ARHGAP24: variants seen among roughly 807,000 people sequenced by gnomAD.
The protein encoded by ARHGAP24 is Rho GTPase activating protein 24, also known as rho GTPase-activating protein 24.
Under a neutral mutation model 76.4 loss-of-function variants are expected in ARHGAP24, and 50 were observed. The ratio of observed to expected loss-of-function variants is 0.65; its 90% CI spans 0.52 to 0.83. The LOEUF (loss-of-function observed/expected upper bound fraction) is 0.83, where lower values mean the gene tolerates loss of function less well. Among genes scored for constraint, ARHGAP24 ranks in the 40% least tolerant of loss-of-function variants. The pLI is 0.00. For missense variants in ARHGAP24, 930 were observed against 914.2 expected (o/e 1.02, Z -0.22); for synonymous variants, 345 against 323.3 (o/e 1.07, Z -0.72).
At chr4:85,561,016 G>A (rs1207338979) in intron 1 of ARHGAP24, among the ~76,000 whole-genome samples, 1 of 152,194 alleles carries the variant, frequency 6.6e-6, no homozygotes, top group Non-Finnish European at 1.5e-5. Context: ...TTATTCATCA[G>A]TTTGCCATTT....
chr4:85,698,063 G>A (rs981748550), intron 2 of ARHGAP24, among the ~76,000 whole-genome samples: 1 of 152,200 alleles, frequency 6.6e-6, no homozygotes, highest in African/African-American at 2.4e-5. Flanking sequence ...GAGGAAGGGA[G>A]AAGTGGGAAG....
chr4:85,832,572 G>T (rs767476753), intron 3 of ARHGAP24, among the ~76,000 whole-genome samples: 1 of 152,130 alleles, frequency 6.6e-6, no homozygotes, highest in Non-Finnish European at 1.5e-5. Flanking sequence ...GTGTTCAATG[G>T]GTTAGTCCAT....
intron 3 of ARHGAP24, among the ~76,000 whole-genome samples, chr4:85,795,996 C>G (rs954325981): frequency 6.6e-6 from 1 of 152,082 alleles, no homozygotes; most frequent in South Asian, 2.1e-4. Flanking sequence ...CACAGAGTTC[C>G]CAGAATTCCC....
In ARHGAP24 at chr4:85,897,196, C is replaced by G. The variant is rs370255122; in HGVS notation, c.269-26452C>G. The stretch of plus-strand genomic sequence containing the variant: ...TGCATCAAATCATTCCCAGCCTGGC[C>G]CTGCTCTTTGCCTCAATGCTGGTGT... On this transcript the variant is annotated intron_variant, in intron 3 of 9. Coordinates refer to ENST00000395184, the MANE Select transcript of ARHGAP24 (RefSeq NM_001025616.3). 2.4e-4 allele frequency among the ~76,000 whole-genome samples: 36 copies of G among 149,204 alleles called. No homozygotes were observed. In the East Asian group the frequency reaches 5.6e-3, roughly 23 times the overall value.
intron 2 of ARHGAP24, among the ~76,000 whole-genome samples, chr4:85,676,410 T>A (rs998347183): frequency 5.3e-5 from 8 of 152,168 alleles, no homozygotes; most frequent in Admixed American, 3.3e-4. Context: ...CTGATTTTTT[T>A]CATTATAATT....
intron 3 of ARHGAP24, among the ~76,000 whole-genome samples, chr4:85,756,753 G>A (rs1373357436): frequency 3.3e-5 from 5 of 152,164 alleles, no homozygotes; most frequent in Non-Finnish European, 7.4e-5. Context: ...AGGTGTTTCG[G>A]CTCCTGCAGT....
chr4:85,736,052 T>C (rs1725594024), intron 3 of ARHGAP24, among the ~76,000 whole-genome samples: 1 of 152,188 alleles, frequency 6.6e-6, no homozygotes, highest in Admixed American at 6.5e-5. Context: ...AGGCCCTTTA[T>C]ATATGCTGTT....
At chr4:85,564,688 A>G (rs1726755453) in intron 1 of ARHGAP24, among the ~76,000 whole-genome samples, 3 of 151,518 alleles carry the variant, frequency 2.0e-5, no homozygotes, top group Non-Finnish European at 4.4e-5. Flanking sequence ...CATTAGTTAG[A>G]TTCTCATAAG....
chr4:85,675,219 A>G (rs576094681), intron 2 of ARHGAP24, among the ~76,000 whole-genome samples: 4 of 152,330 alleles, frequency 2.6e-5, no homozygotes, highest in African/African-American at 7.2e-5. Context: ...ACCATGACGC[A>G]TGTGTCCCTG....
rs1275074673 is a variant in ARHGAP24 at position 85,785,867 on chromosome 4, G to A, written c.268+63895G>A. On this transcript the variant is annotated intron_variant, in intron 3 of 9. Coordinates refer to ENST00000395184, the MANE Select transcript of ARHGAP24 (RefSeq NM_001025616.3). ...GAGTCATAAATTAATTTTCCAGAGT[G>A]ACACCTCCTTGTCACTTTGGGAAGA... is the stretch of plus-strand genomic sequence containing the variant. Among the ~76,000 whole-genome samples, 3 of 152,112 alleles carry A rather than the reference G, an allele frequency of 2.0e-5. 1 individual carries two copies. The highest frequency in any genetic ancestry group is 4.4e-5 in the Non-Finnish European group (3 of 67,998).
At chr4:85,500,046 T>C (rs969413901) in intron 1 of ARHGAP24, among the ~76,000 whole-genome samples, 3 of 152,136 alleles carry the variant, frequency 2.0e-5, no homozygotes, top group Non-Finnish European at 4.4e-5. Context: ...AAATGTAAAA[T>C]ACACACTAGA....
At chr4:85,997,739 T>C (rs1038964842) in intron 9 of ARHGAP24, among the ~76,000 whole-genome samples, 2 of 152,150 alleles carry the variant, frequency 1.3e-5, no homozygotes, top group African/African-American at 2.4e-5. Context: ...CACTGCAACC[T>C]CTGCCTCCCA....
intron 6 of ARHGAP24, among the ~76,000 whole-genome samples, chr4:85,972,724 C>A (rs918068210): frequency 1.3e-5 from 2 of 151,828 alleles, no homozygotes; most frequent in South Asian, 4.2e-4. Flanking sequence ...CAAAATAAAC[C>A]CCATACCCTC....
intron 2 of ARHGAP24, among the ~76,000 whole-genome samples, chr4:85,654,289 C>A (rs910837192): frequency 6.6e-6 from 1 of 152,292 alleles, no homozygotes; most frequent in Admixed American, 6.5e-5. Flanking sequence ...TCTCTCTTCT[C>A]TGAGGACCCA....
intron 3 of ARHGAP24, among the ~76,000 whole-genome samples, chr4:85,821,535 C>T (rs1222158790): frequency 6.6e-6 from 1 of 152,128 alleles, no homozygotes; most frequent in Non-Finnish European, 1.5e-5. Context: ...GGCATCATGC[C>T]TGTTTAATTT....
intron 1 of ARHGAP24, among the ~76,000 whole-genome samples, chr4:85,567,075 G>A (rs1422719255): frequency 6.6e-6 from 1 of 152,136 alleles, no homozygotes; most frequent in African/African-American, 2.4e-5. Flanking sequence ...AGGTAAAGAG[G>A]TGCCAGATGA....
chr4:85,834,119 T>C (rs1684129659), intron 3 of ARHGAP24, among the ~76,000 whole-genome samples: 1 of 152,162 alleles, frequency 6.6e-6, no homozygotes. Flanking sequence ...AGGACTATTA[T>C]TTTGGTGGAG....
chr4:85,732,628 A>G (rs1288918011), intron 3 of ARHGAP24, among the ~76,000 whole-genome samples: 4 of 151,966 alleles, frequency 2.6e-5, no homozygotes, highest in Non-Finnish European at 5.9e-5. Context: ...TTGTGGGTTC[A>G]TTTAGCCCAT....
At chr4:85,549,675 A>C (rs78146432) in intron 1 of ARHGAP24, among the ~76,000 whole-genome samples, 3,024 of 152,246 alleles carry the variant, frequency 0.02, 49 homozygotes, top group Middle Eastern at 0.051. Flanking sequence ...TGCATGTTTC[A>C]GGAGTTTCGT....
Sources: gnomAD v4.1 joint callset for allele counts (sites outside exome capture counted in the v4.1 genomes callset) on GRCh38, gnomAD v4.1.1 for gene constraint, MANE v1.5 for transcripts, NCBI Gene and HGNC (gene_info 2026-07-23, HGNC 2026-07-21) for gene names.